ZNF438: variants seen among roughly 807,000 people sequenced by gnomAD.
ZNF438 encodes zinc finger protein 438.
In ZNF438, 25 loss-of-function variants were observed where a neutral mutation model predicts 38.0. That is an observed-to-expected ratio of 0.66 (90% CI 0.48 to 0.92). The LOEUF is 0.92. Ranked by LOEUF, ZNF438 falls within the 40% of genes least tolerant of loss-of-function variation. ZNF438 has a pLI of 0.00. For synonymous variants in ZNF438, 372 were observed against 364.1 expected (o/e 1.02, Z -0.25); for missense variants, 1,007 against 999.6 (o/e 1.01, Z -0.10).
intron 3 of ZNF438, among the ~76,000 whole-genome samples, chr10:30,878,556 C>T (rs1423449271): frequency 6.6e-6 from 1 of 152,144 alleles, no homozygotes; most frequent in East Asian, 1.9e-4. Context: ...GCTTGGGACC[C>T]ACTGGATGCA....
rs556888981 is a variant in ZNF438 at position 30,920,096 on chromosome 10, TAAC to T, written c.-114-11084_-114-11082del. On this transcript the variant is annotated intron_variant, in intron 2 of 5. Transcript: ENST00000413025. ...TTCTCTTCCTCTCCTTCTTCATTAC[TAAC>T]ATCATTGGCCCGCATGTACTCTCTC... 2.6e-5 allele frequency: 4 copies of T among 152,384 alleles called. No individual in the cohort carries two copies. In the East Asian group the frequency reaches 7.7e-4, roughly 29 times the overall value. The allele number at this position is 152,384 out of a possible 1,614,324, so 9.4% of individuals were successfully genotyped here. A position where few individuals can be genotyped will look rare whatever the true frequency, so the allele number is the denominator to read the frequency against.
intron 1 of ZNF438, 125 bp from the exon 3 acceptor site, chr10:30,941,776 G>T (rs896750847): frequency 6.6e-6 from 1 of 152,172 alleles, no homozygotes; most frequent in Non-Finnish European, 1.5e-5. Context: ...AAAATTTACA[G>T]TTCTTATACC....
chr10:30,915,798 T>C (rs1589172151), intron 2 of ZNF438, among the ~76,000 whole-genome samples: 2 of 152,178 alleles, frequency 1.3e-5, no homozygotes, highest in South Asian at 2.1e-4. Context: ...GTAAATTCAT[T>C]GATGGGTCAA....
intron 3 of ZNF438, among the ~76,000 whole-genome samples, chr10:30,878,658 A>G (rs1233492897): frequency 2.0e-5 from 3 of 152,176 alleles, no homozygotes; most frequent in Non-Finnish European, 4.4e-5. Flanking sequence ...CACTGAGCTG[A>G]TAACACTGCT....
At chr10:31,003,782 G>A (rs1308777210) in intron 1 of ZNF438, among the ~76,000 whole-genome samples, 1 of 152,124 alleles carries the variant, frequency 6.6e-6, no homozygotes, top group African/African-American at 2.4e-5. Context: ...TGATCTACGT[G>A]AGATCATGTC....
At chr10:30,891,121 A>G (rs2134014360) in intron 3 of ZNF438, among the ~76,000 whole-genome samples, 1 of 152,230 alleles carries the variant, frequency 6.6e-6, no homozygotes. Flanking sequence ...CCACTTTCCA[A>G]GTGTTTGGTG....
intron 3 of ZNF438, among the ~76,000 whole-genome samples, chr10:30,906,488 T>A (rs894001707): frequency 6.6e-6 from 1 of 152,154 alleles, no homozygotes; most frequent in African/African-American, 2.4e-5. Context: ...TTCCTTAAGA[T>A]TTTTTTACAT....
chr10:30,884,419 A>G (rs1044708086), intron 3 of ZNF438, among the ~76,000 whole-genome samples: 1 of 152,210 alleles, frequency 6.6e-6, no homozygotes, highest in African/African-American at 2.4e-5. Flanking sequence ...GTTACATAAA[A>G]TCTAACAGTA....
chr10:30,993,690 C>T (rs963553588), intron 1 of ZNF438, among the ~76,000 whole-genome samples: 1 of 152,252 alleles, frequency 6.6e-6, no homozygotes, highest in African/African-American at 2.4e-5. Flanking sequence ...AAAGTAATGC[C>T]TAATGGAGCT....
At chr10:31,027,255 T>G (rs2057004605) in intron 1 of ZNF438, among the ~76,000 whole-genome samples, 2 of 151,890 alleles carry the variant, frequency 1.3e-5, no homozygotes. Context: ...AAAAATAAAT[T>G]TAATTAAAAA....
chr10:30,976,662 A>T (rs994133090), intron 1 of ZNF438, among the ~76,000 whole-genome samples: 1 of 152,072 alleles, frequency 6.6e-6, no homozygotes, highest in African/African-American at 2.4e-5. Context: ...CTTGAGCCCT[A>T]GAGATTGGAA....
At chr10:30,933,757 GC>G (rs1442738570) in intron 2 of ZNF438, among the ~76,000 whole-genome samples, 1 of 152,110 alleles carries the variant, frequency 6.6e-6, no homozygotes, top group Non-Finnish European at 1.5e-5. Flanking sequence ...CATGTCTACT[GC>G]CCCTTACACT....
At chr10:30,995,982 A>G (rs1205756772) in intron 1 of ZNF438, among the ~76,000 whole-genome samples, 1 of 152,194 alleles carries the variant, frequency 6.6e-6, no homozygotes, top group Non-Finnish European at 1.5e-5. Context: ...GGGGAAGGAA[A>G]TGGAGCTAAC....
In ZNF438 at chr10:30,848,669, A is replaced by G. The variant is rs1029360947; in HGVS notation, c.1736T>C (p.Ile579Thr). ...TTTCAGATGGCCAAAATAGACTCGGATGTGGCCAAACACTTTTGCACAAAA... is the reference window on the plus strand; with the variant it reads ...TTTCAGATGGCCAAAATAGACTCGGGTGTGGCCAAACACTTTTGCACAAAA... Residue 579 changes from isoleucine to threonine, a missense_variant, in exon 5 of 6, where the codon ATC becomes ACC. Physicochemically the swap from Ile to Thr is moderately conservative, Grantham distance 89 (BLOSUM62 -1). Transcript: ENST00000413025. The G allele has an allele frequency of 6.2e-6, 10 of 1,614,116 alleles. No individual in the cohort carries two copies. Among genetic ancestry groups the G allele is most frequent in the African/African-American group, 2.7e-5 (2 of 74,924 alleles).
chr10:31,029,115 A>T (rs1042797610), intron 1 of ZNF438, among the ~76,000 whole-genome samples: 2 of 152,228 alleles, frequency 1.3e-5, no homozygotes, highest in African/African-American at 4.8e-5. Flanking sequence ...CTCCAAAGCC[A>T]CAATGCTTAG....
chr10:30,907,064 T>G (rs1054063195), intron 3 of ZNF438, among the ~76,000 whole-genome samples: 4 of 152,234 alleles, frequency 2.6e-5, no homozygotes, highest in African/African-American at 9.7e-5. Flanking sequence ...AACCTCCGTC[T>G]CCTGGGTTCA....
intron 3 of ZNF438, among the ~76,000 whole-genome samples, chr10:30,899,981 C>T (rs936720149): frequency 5.3e-5 from 8 of 152,264 alleles, no homozygotes; most frequent in South Asian, 4.1e-4. Context: ...TCACTCTAAT[C>T]GACATAACTG....
intron 3 of ZNF438, among the ~76,000 whole-genome samples, chr10:30,895,477 A>G (rs1176878680): frequency 6.6e-6 from 1 of 152,232 alleles, no homozygotes; most frequent in Non-Finnish European, 1.5e-5. Flanking sequence ...TGACACCAAA[A>G]ACATAGGCAG....
intron 1 of ZNF438, among the ~76,000 whole-genome samples, chr10:30,965,018 G>A (rs1487632816): frequency 2.6e-5 from 4 of 152,044 alleles, no homozygotes; most frequent in Non-Finnish European, 5.9e-5. Context: ...TTACAGAATG[G>A]GAGAAAATAT....
Sources: gnomAD v4.1 joint callset for allele counts (sites outside exome capture counted in the v4.1 genomes callset) on GRCh38, gnomAD v4.1.1 for gene constraint, MANE v1.5 for transcripts, NCBI Gene and HGNC (gene_info 2026-07-23, HGNC 2026-07-21) for gene names.